The following PDE7B variants were observed in gnomAD, a reference collection of about 807,000 sequenced individuals.
PDE7B encodes the protein phosphodiesterase 7B.
In PDE7B, 29 loss-of-function variants were observed where a neutral mutation model predicts 56.2. The observed-to-expected ratio is 0.52, with a 90% CI of 0.38 to 0.70. The LOEUF (loss-of-function observed/expected upper bound fraction) is 0.70. Among genes scored for constraint, PDE7B ranks in the 30% least tolerant of loss-of-function variants. The probability of loss-of-function intolerance (pLI) is 0.00; values close to 1 mark genes in which losing one functional copy is unlikely to be tolerated. For synonymous variants in PDE7B, 197 were observed against 196.9 expected (o/e 1.00, Z 0.00); for missense variants, 490 against 565.0 (o/e 0.87, Z 1.35).
At chr6:135,877,129 T>A (rs916073095) in intron 1 of PDE7B, among the ~76,000 whole-genome samples, 1 of 152,174 alleles carries the variant, frequency 6.6e-6, no homozygotes, top group African/African-American at 2.4e-5. Flanking sequence ...ATAATTTTGA[T>A]CTTTTCCTTT....
At chr6:135,978,444 A>G (rs1231645249) in intron 2 of PDE7B, among the ~76,000 whole-genome samples, 2 of 152,144 alleles carry the variant, frequency 1.3e-5, no homozygotes, top group Non-Finnish European at 2.9e-5. Flanking sequence ...TAGTCTTTAT[A>G]AACACTGTAC....
At chr6:136,003,722 C>CA (rs1350958620) in intron 2 of PDE7B, among the ~76,000 whole-genome samples, 1 of 152,138 alleles carries the variant, frequency 6.6e-6, no homozygotes, top group Non-Finnish European at 1.5e-5. Flanking sequence ...AGCTTACCAA[C>CA]AAAAAATAGT....
At chr6:135,885,942 A>G (rs897122564) in intron 1 of PDE7B, among the ~76,000 whole-genome samples, 2 of 152,126 alleles carry the variant, frequency 1.3e-5, no homozygotes, top group South Asian at 2.1e-4. Flanking sequence ...ATGTGTAAAA[A>G]CTTAGTCTAT....
chr6:135,866,421 T>C lies in PDE7B; in HGVS notation c.21+14402T>C, dbSNP rs148000068. On this transcript the variant is annotated intron_variant, in intron 1 of 12. Transcript: ENST00000308191. ...ATGCGAACATTTCTTTACAAAAGCA[T>C]TACAATCTCATCAGAGTAATAACGT... Among the ~76,000 whole-genome samples the C allele has an allele frequency of 2.7e-3, 405 of 152,310 alleles. 3 individuals are homozygous for C. Among genetic ancestry groups the C allele is most frequent in the African/African-American group, 9.2e-3 (383 of 41,570 alleles).
chr6:136,118,432 A>G (rs539700208), intron 3 of PDE7B, among the ~76,000 whole-genome samples: 5 of 152,364 alleles, frequency 3.3e-5, no homozygotes, highest in Admixed American at 3.3e-4. Flanking sequence ...ATATTTGGGA[A>G]CCACTATATA....
chr6:135,859,464 T>C (rs781408659), intron 1 of PDE7B, among the ~76,000 whole-genome samples: 13 of 152,108 alleles, frequency 8.5e-5, no homozygotes, highest in Non-Finnish European at 1.6e-4. Flanking sequence ...TAAGTTAAAA[T>C]AATACAAAAG....
At chr6:136,060,319 A>T (rs1048878043) in intron 2 of PDE7B, among the ~76,000 whole-genome samples, 1 of 151,992 alleles carries the variant, frequency 6.6e-6, no homozygotes, top group Non-Finnish European at 1.5e-5. Context: ...CTCTCCTTGT[A>T]CTTTCTCTTC....
At chr6:136,167,302 T>C (rs1431091312) in intron 8 of PDE7B, among the ~76,000 whole-genome samples, 1 of 152,166 alleles carries the variant, frequency 6.6e-6, no homozygotes, top group Non-Finnish European at 1.5e-5. Context: ...CCCCATCTGA[T>C]ATGGTTTGGC....
intron 8 of PDE7B, among the ~76,000 whole-genome samples, chr6:136,167,554 A>G (rs1778814248): frequency 6.6e-6 from 1 of 152,182 alleles, no homozygotes; most frequent in Non-Finnish European, 1.5e-5. Flanking sequence ...TTCCCCAGCC[A>G]TGTGGAACTG....
chr6:135,989,400 G>A (rs1055032631), intron 2 of PDE7B, among the ~76,000 whole-genome samples: 5 of 152,126 alleles, frequency 3.3e-5, no homozygotes, highest in African/African-American at 9.7e-5. Flanking sequence ...GATCACCTGA[G>A]GTCGGTAGTT....
In PDE7B at chr6:135,892,930, T is replaced by C. The variant is rs150680105; in HGVS notation, c.21+40911T>C. ...TGTTGAACTTATGCTCCAGAAAGTCTTCCTTATTCTCTTCTACCCATAATC... is the reference window on the plus strand; with the variant it reads ...TGTTGAACTTATGCTCCAGAAAGTCCTCCTTATTCTCTTCTACCCATAATC... On this transcript the variant is annotated intron_variant, in intron 1 of 12. Coordinates refer to ENST00000308191, the MANE Select transcript of PDE7B (RefSeq NM_018945.4). Among the ~76,000 whole-genome samples the C allele has an allele frequency of 9.8e-5, 15 of 152,292 alleles. No individual in the cohort carries two copies. In the East Asian group the frequency reaches 2.9e-3, roughly 29 times the overall value.
chr6:135,995,597 G>A (rs185955846), intron 2 of PDE7B, among the ~76,000 whole-genome samples: 59 of 152,174 alleles, frequency 3.9e-4, no homozygotes, highest in East Asian at 1.4e-3. Context: ...GAAAAAGACC[G>A]TTGTGGTGAA....
intron 4 of PDE7B, 68 bp downstream of exon 4, chr6:136,147,570 C>T (rs1778438071): frequency 7.3e-7 from 1 of 1,370,594 alleles, no homozygotes; most frequent in Admixed American, 1.7e-5. Flanking sequence ...GCTGATAGCA[C>T]TGGTGTTGGA....
chr6:136,013,506 C>T (rs1272413794), intron 2 of PDE7B, among the ~76,000 whole-genome samples: 2 of 152,154 alleles, frequency 1.3e-5, no homozygotes, highest in Non-Finnish European at 2.9e-5. Context: ...AGGTGGTGGA[C>T]AAGATAAGCA....
intron 2 of PDE7B, chr6:136,037,654 G>C (rs1259522581): frequency 2.0e-6 from 2 of 985,346 alleles, no homozygotes; most frequent in Non-Finnish European, 2.4e-6. Flanking sequence ...GCCTGAGCCT[G>C]TACCACAGGG....
intron 2 of PDE7B, among the ~76,000 whole-genome samples, chr6:136,098,776 CTT>C (rs576368817): frequency 4.3e-5 from 6 of 139,132 alleles, no homozygotes; most frequent in African/African-American, 1.5e-4. Context: ...ACCTACTTTT[CTT>C]TTTTTTTTTT....
chr6:136,012,922 G>A (rs1775917540), intron 2 of PDE7B, among the ~76,000 whole-genome samples: 1 of 152,120 alleles, frequency 6.6e-6, no homozygotes. Flanking sequence ...GTGGAGAGCA[G>A]AATTAGCCCC....
At chr6:135,916,914 T>G (rs1490484616) in intron 1 of PDE7B, among the ~76,000 whole-genome samples, 2 of 152,152 alleles carry the variant, frequency 1.3e-5, no homozygotes, top group Non-Finnish European at 1.5e-5. Context: ...TCATATCTTA[T>G]AAAGTATCTG....
At chr6:136,095,812 C>T (rs936350941) in intron 2 of PDE7B, 2 of 152,158 alleles carry the variant, frequency 1.3e-5, no homozygotes, top group Non-Finnish European at 2.9e-5. Flanking sequence ...GATAATAGCA[C>T]TGATCTAAGG....
Sources: gnomAD v4.1 joint callset for allele counts (sites outside exome capture counted in the v4.1 genomes callset) on GRCh38, gnomAD v4.1.1 for gene constraint, MANE v1.5 for transcripts, NCBI Gene and HGNC (gene_info 2026-07-23, HGNC 2026-07-21) for gene names.